Variants in TMED3 observed in about 807,000 individuals in gnomAD.
TMED3 encodes transmembrane p24 trafficking protein 3.
TMED3 carries 9 observed loss-of-function variants against 15.0 expected under a neutral mutation model. That is an observed-to-expected ratio of 0.60 (90% CI 0.36 to 1.04). The LOEUF is 1.04. Among genes scored for constraint, TMED3 ranks in the 50% least tolerant of loss-of-function variants. TMED3 has a pLI of 0.01. For missense variants in TMED3, 267 were observed against 278.9 expected, an observed-to-expected ratio of 0.96 and a Z score of 0.30; for synonymous variants, 117 against 121.4, an observed-to-expected ratio of 0.96 and a Z score of 0.24.
At chr15:79,360,786 A>G (rs1334115717) in intron 2 of TMED3, among the ~76,000 whole-genome samples, 2 of 152,196 alleles carry the variant, frequency 1.3e-5, no homozygotes, top group East Asian at 3.8e-4. Flanking sequence ...TGGAACATTG[A>G]TTTAGACAGT....
In TMED3 at chr15:79,311,478, C is replaced by A. The variant is rs1486172231; in HGVS notation, c.168+61C>A. 4 of 1,528,612 alleles carry A rather than the reference C, an allele frequency of 2.6e-6. No individual in the cohort carries two copies. In the Admixed American group the frequency reaches 5.7e-5, roughly 22 times the overall value. The allele number at this position is 1,528,612 out of a possible 1,614,324, so 94.7% of individuals were successfully genotyped here. ...TCCACTCCCAGGTCTCACCTGGACA[C>A]TGGCTAGCCCCTGACTGGAGGCGCT... On this transcript the variant is annotated intron_variant, in intron 1 of 2. Transcript: ENST00000299705.
intron 2 of TMED3, among the ~76,000 whole-genome samples, chr15:79,353,151 AAATATATATAAAT>A (rs1396108869): frequency 1.4e-5 from 1 of 70,496 alleles, no homozygotes; most frequent in African/African-American, 6.7e-5. Context: ...AAAATATATA[AAATATATATAAAT>A]ATATATACAT....
intron 2 of TMED3, among the ~76,000 whole-genome samples, chr15:79,353,050 A>ATATATTTTATATATATTATATATATC (rs1473440446): frequency 1.2e-5 from 1 of 82,104 alleles, no homozygotes; most frequent in Non-Finnish European, 2.3e-5. Flanking sequence ...TTATATATAT[A>ATATATTTTATATATATTATATATATC]AAAAATGTAT....
chr15:79,402,512 G>T (rs1340604362), intron 2 of TMED3, among the ~76,000 whole-genome samples: 1 of 152,194 alleles, frequency 6.6e-6, no homozygotes, highest in Non-Finnish European at 1.5e-5. Flanking sequence ...GGGCACAGGG[G>T]CTCACACCTG....
At chr15:79,332,246 C>T (rs150722572) in intron 2 of TMED3, among the ~76,000 whole-genome samples, 15 of 152,262 alleles carry the variant, frequency 9.9e-5, no homozygotes, top group East Asian at 9.6e-4. Flanking sequence ...AGGTAGATAC[C>T]GCCATCATCA....
chr15:79,389,515 C>G (rs182746717), intron 2 of TMED3, among the ~76,000 whole-genome samples: 170 of 152,224 alleles, frequency 1.1e-3, no homozygotes, highest in Admixed American at 3.1e-3. Flanking sequence ...AGTTTGAAAT[C>G]AGGTAGTGTG....
intron 2 of TMED3, among the ~76,000 whole-genome samples, chr15:79,344,771 G>A (rs1410677903): frequency 5.9e-5 from 9 of 152,166 alleles, no homozygotes; most frequent in Non-Finnish European, 1.3e-4. Context: ...CGAGATCGTT[G>A]GTGACTTAAC....
At chr15:79,367,663 T>C (rs1172160981) in intron 2 of TMED3, among the ~76,000 whole-genome samples, 1 of 152,206 alleles carries the variant, frequency 6.6e-6, no homozygotes, top group South Asian at 2.1e-4. Context: ...CCGAATATGC[T>C]GCCAGCAAAG....
intron 2 of TMED3, among the ~76,000 whole-genome samples, chr15:79,388,048 T>C (rs914270318): frequency 4.6e-5 from 7 of 152,260 alleles, no homozygotes; most frequent in African/African-American, 1.7e-4. Context: ...TATAGGATTT[T>C]TTTCCATTCC....
chr15:79,380,229 TA>T (rs1893497972), intron 2 of TMED3, among the ~76,000 whole-genome samples: 1 of 151,910 alleles, frequency 6.6e-6, no homozygotes, highest in Admixed American at 6.6e-5. Context: ...CACACACCTG[TA>T]ATCCCAGCTA....
chr15:79,353,890 G>T (rs1343651483), intron 2 of TMED3, among the ~76,000 whole-genome samples: 1 of 151,990 alleles, frequency 6.6e-6, no homozygotes, highest in Non-Finnish European at 1.5e-5. Context: ...TGTAGCTGTT[G>T]ATCTCTCAGG....
chr15:79,358,975 C>G (rs539709035), intron 2 of TMED3, among the ~76,000 whole-genome samples: 135 of 152,248 alleles, frequency 8.9e-4, no homozygotes, highest in African/African-American at 3.0e-3. Flanking sequence ...TTTTGCATGC[C>G]AAACCTGCAT....
intron 2 of TMED3, among the ~76,000 whole-genome samples, chr15:79,356,284 A>C (rs926701072): frequency 4.6e-5 from 7 of 151,912 alleles, no homozygotes; most frequent in African/African-American, 1.7e-4. Context: ...CATTAGAACA[A>C]CCCCTTTCAT....
chr15:79,353,038 TATTA>T (rs1268363933), intron 2 of TMED3, among the ~76,000 whole-genome samples: 2 of 99,740 alleles, frequency 2.0e-5, no homozygotes, highest in Non-Finnish European at 3.6e-5. Context: ...ATTTTATATA[TATTA>T]TATATATAAA....
intron 2 of TMED3, among the ~76,000 whole-genome samples, chr15:79,400,666 G>T (rs943439535): frequency 6.6e-6 from 1 of 152,144 alleles, no homozygotes; most frequent in Non-Finnish European, 1.5e-5. Flanking sequence ...GTACAATTTT[G>T]TGTATATAAC....
At chr15:79,334,771 C>T (rs12914805) in intron 2 of TMED3, among the ~76,000 whole-genome samples, 37,685 of 152,002 alleles carry the variant, frequency 0.25, 5,848 homozygotes, top group Middle Eastern at 0.41. Context: ...CACATTTTTT[C>T]CCTCATAGTC....
chr15:79,324,349 G>A (rs1252417133), downstream of TMED3, among the ~76,000 whole-genome samples: 1 of 152,114 alleles, frequency 6.6e-6, no homozygotes, highest in African/African-American at 2.4e-5. Context: ...GAAACATTTT[G>A]AAATTGAAGA....
chr15:79,357,542 C>G (rs2058924374), intron 2 of TMED3, among the ~76,000 whole-genome samples: 1 of 138,740 alleles, frequency 7.2e-6, no homozygotes, highest in African/African-American at 2.7e-5. Flanking sequence ...TTTTTTAAAG[C>G]AGAACACGTC....
intron 2 of TMED3, among the ~76,000 whole-genome samples, chr15:79,344,802 A>G (rs1173502050): frequency 6.6e-6 from 1 of 152,196 alleles, no homozygotes; most frequent in Non-Finnish European, 1.5e-5. Context: ...TGTACGAAAC[A>G]TTGGAGGCAA....
Sources: allele counts gnomAD v4.1 joint callset (sites outside exome capture counted in the v4.1 genomes callset), GRCh38; gene constraint gnomAD v4.1.1; transcripts MANE v1.5; gene names NCBI Gene and HGNC (gene_info 2026-07-23, HGNC 2026-07-21).